Variants in VAV1 observed in about 807,000 individuals in gnomAD.
VAV1 encodes proto-oncogene vav.
Under a neutral mutation model 128.1 loss-of-function variants are expected in VAV1, and 33 were observed. The ratio of observed to expected loss-of-function variants is 0.26; its 90% CI spans 0.20 to 0.34. The LOEUF is 0.34. VAV1 is among the 10% of genes least tolerant of loss of function. The pLI, the probability that VAV1 is intolerant of heterozygous loss-of-function variation, is 1.00. For missense variants in VAV1, 715 were observed against 1,093.7 expected (o/e 0.65, Z 4.88); for synonymous variants, 394 against 409.8 (o/e 0.96, Z 0.47).
At chr19:6,856,531 G>A (rs1032107582) in intron 26 of VAV1, among the ~76,000 whole-genome samples, 2 of 151,730 alleles carry the variant, frequency 1.3e-5, no homozygotes, top group African/African-American at 4.8e-5. Flanking sequence ...AAACCAGCCC[G>A]GCCAACATGG....
chr19:6,785,673 T>G (rs946511403), intron 1 of VAV1, among the ~76,000 whole-genome samples: 57 of 148,856 alleles, frequency 3.8e-4, no homozygotes, highest in African/African-American at 1.3e-3. Context: ...TTTTTTTTTT[T>G]TTTTGAGATA....
chr19:6,815,990 A>G (rs1971635671), intron 1 of VAV1, among the ~76,000 whole-genome samples: 1 of 152,044 alleles, frequency 6.6e-6, no homozygotes, highest in Non-Finnish European at 1.5e-5. Context: ...AGCCTCGGCA[A>G]CATAATGAAA....
chr19:6,828,592 G>A lies in VAV1; in HGVS notation c.1093-30G>A, dbSNP rs1971976508. 2.5e-6 allele frequency: 4 copies of A among 1,613,364 alleles called. No individual in the cohort carries two copies. Among genetic ancestry groups the A allele is most frequent in the African/African-American group, 2.7e-5 (2 of 74,824 alleles). On this transcript the variant is annotated intron_variant, in intron 11 of 26. Coordinates refer to ENST00000602142, the MANE Select transcript of VAV1 (RefSeq NM_005428.4). The surrounding 1 kb of genome is among the most constrained non-coding windows in gnomAD (Gnocchi z 4.5). ...GTAGGAGCCTGGGTCGGCTGTTGGG[G>A]GGCCAGGTTCACCCCTGCCCCCTCC...
intron 1 of VAV1, among the ~76,000 whole-genome samples, chr19:6,781,500 C>T: frequency 6.6e-6 from 1 of 152,088 alleles, no homozygotes; most frequent in East Asian, 1.9e-4. Context: ...GAGCCTCTTT[C>T]CTTATGTTTA....
chr19:6,809,856 GGAAATGGAGGATTCAAT>G (rs2144746775), intron 1 of VAV1, among the ~76,000 whole-genome samples: 1 of 151,868 alleles, frequency 6.6e-6, no homozygotes, highest in African/African-American at 2.4e-5. Context: ...TTGATTGACT[GGAAATGGAGGATTCAAT>G]GAATCCTCCA....
intron 1 of VAV1, among the ~76,000 whole-genome samples, chr19:6,779,349 G>A (rs764796084): frequency 3.3e-5 from 5 of 150,436 alleles, no homozygotes; most frequent in South Asian, 2.1e-4. Flanking sequence ...CACTGCACCC[G>A]GCCAGAATAG....
At chr19:6,833,507 T>C in intron 16 of VAV1, 21 bp from the exon 17 acceptor site, 1 of 1,578,992 alleles carries the variant, frequency 6.3e-7, no homozygotes, top group East Asian at 2.2e-5. Flanking sequence ...CGCTCTTCTT[T>C]ATGTGTTCCC....
At chr19:6,842,892 TCTTGA>T (rs1354038996) in intron 21 of VAV1, among the ~76,000 whole-genome samples, 1 of 152,134 alleles carries the variant, frequency 6.6e-6, no homozygotes, top group African/African-American at 2.4e-5. Context: ...TAAAAACCAT[TCTTGA>T]CTTGAGGGTA....
intron 15 of VAV1, 65 bp downstream of exon 15, chr19:6,832,265 G>C (rs1972077420): frequency 2.7e-6 from 4 of 1,480,804 alleles, no homozygotes; most frequent in Non-Finnish European, 3.7e-6. Flanking sequence ...GGAGGAACGT[G>C]ATCTAGTCCC....
At chr19:6,845,509 A>T (rs1972499491) in intron 22 of VAV1, among the ~76,000 whole-genome samples, 1 of 151,946 alleles carries the variant, frequency 6.6e-6, no homozygotes. Context: ...TTTATATTAC[A>T]TATTAACATT....
At position 6,772,994 on chromosome 19, in the gene VAV1, C is replaced by T. The variant is rs1176906044; in HGVS notation, c.187C>T (p.Arg63Cys). ...HAINLREVNLRPQMSQFLCLK... is the reference protein window; with the variant it reads ...HAINLREVNLCPQMSQFLCLK... ...CATCAACCTGCGTGAGGTCAACCTG[C>T]GCCCCCAGATGTCCCAGGTGAGCCC... The change falls in exon 1 of 27, where the codon CGC becomes TGC. Residue 63 changes from arginine to cysteine, a missense_variant. Arg to Cys is a radical substitution (Grantham distance 180). Coordinates refer to ENST00000602142, the MANE Select transcript of VAV1 (RefSeq NM_005428.4). The surrounding 1 kb of genome is among the most constrained non-coding windows in gnomAD (Gnocchi z 4.8). 2.5e-6 allele frequency: 4 copies of T among 1,613,950 alleles called. No homozygotes were observed. Among genetic ancestry groups the T allele is most frequent in the Admixed American group, 1.7e-5 (1 of 59,974 alleles).
At chr19:6,788,256 C>T (rs1229287183) in intron 1 of VAV1, among the ~76,000 whole-genome samples, 1 of 152,014 alleles carries the variant, frequency 6.6e-6, no homozygotes, top group Non-Finnish European at 1.5e-5. Context: ...ATATTCTCAT[C>T]ACTCTGAGTT....
intron 1 of VAV1, among the ~76,000 whole-genome samples, chr19:6,807,873 C>A (rs1971429252): frequency 6.6e-6 from 1 of 151,212 alleles, no homozygotes; most frequent in Non-Finnish European, 1.5e-5. Flanking sequence ...CACCTGTAAT[C>A]CCAGCTACTC....
chr19:6,833,659 G>A (rs1972147682), intron 17 of VAV1, 34 bp downstream of exon 17: 2 of 1,613,966 alleles, frequency 1.2e-6, no homozygotes, highest in Non-Finnish European at 8.5e-7. Context: ...AGGTGAGCTT[G>A]GTTCTCTTTG....
At chr19:6,846,994 A>G (rs576684537) in intron 22 of VAV1, among the ~76,000 whole-genome samples, 33 of 150,570 alleles carry the variant, frequency 2.2e-4, no homozygotes, top group Non-Finnish European at 4.0e-4. Context: ...GCTCACTGCA[A>G]CCTCCGCCTA....
chr19:6,837,802 C>G (rs1363478173), intron 21 of VAV1, among the ~76,000 whole-genome samples: 3 of 152,110 alleles, frequency 2.0e-5, no homozygotes, highest in African/African-American at 7.2e-5. Context: ...AGACGACGTT[C>G]CCCTTTACCC....
rs757290260 is a variant in VAV1 at position 6,772,918 on chromosome 19, C to T, written c.111C>T (p.Leu37=). The T allele has an allele frequency of 6.2e-7, 1 of 1,614,112 alleles. No homozygotes were observed. The highest frequency in any genetic ancestry group is 1.1e-5 in the South Asian group (1 of 91,088). The change falls in exon 1 of 27, where the codon CTC becomes CTT. Residue 37 remains leucine (L), a synonymous_variant. Coordinates refer to ENST00000602142, the MANE Select transcript of VAV1 (RefSeq NM_005428.4). The surrounding 1 kb of genome is among the most constrained non-coding windows in gnomAD (Gnocchi z 4.8). ...AGGTGTGTGAACTGGCCCAGGCCCT[C>T]CGGGATGGTGTCCTTCTGTGTCAGC... is the stretch of plus-strand genomic sequence containing the variant. The part of the protein sequence containing the change: ...GAQVCELAQA[L]RDGVLLCQLL...
intron 19 of VAV1, among the ~76,000 whole-genome samples, chr19:6,835,368 T>G (rs1036421653): frequency 8.5e-5 from 13 of 152,132 alleles, no homozygotes; most frequent in Non-Finnish European, 1.8e-4. Context: ...TGTAGAACAT[T>G]TCCATCCCTC....
At chr19:6,849,508 T>G (rs1972614201) in intron 23 of VAV1, among the ~76,000 whole-genome samples, 1 of 148,690 alleles carries the variant, frequency 6.7e-6, no homozygotes, top group Non-Finnish European at 1.5e-5. Context: ...GGGGAAAGTT[T>G]CACCATGTTG....
Sources: gnomAD v4.1 joint callset for allele counts (sites outside exome capture counted in the v4.1 genomes callset) on GRCh38, gnomAD v4.1.1 for gene constraint, Gnocchi (gnomAD v3.1) non-coding constraint, MANE v1.5 for transcripts, NCBI Gene and HGNC (gene_info 2026-07-23, HGNC 2026-07-21) for gene names.